The following OPHN1 variants were observed in gnomAD, a reference collection of about 807,000 sequenced individuals.
OPHN1 encodes oligophrenin 1, also known as oligophrenin-1.
In OPHN1, 11 loss-of-function variants were observed where a neutral mutation model predicts 60.7. The ratio of observed to expected loss-of-function variants is 0.18; its 90% CI spans 0.11 to 0.30. OPHN1 has a LOEUF of 0.30. Among genes scored for constraint, OPHN1 ranks in the 10% least tolerant of loss-of-function variants. The pLI is 1.00. For missense variants in OPHN1, 449 were observed against 611.0 expected (o/e 0.73, Z 2.80); for synonymous variants, 226 against 222.6 (o/e 1.02, Z -0.14).
At chrX:68,417,772 G>C (rs1208252493) in intron 2 of OPHN1, among the ~76,000 whole-genome samples, 1 of 112,160 alleles carries the variant, frequency 8.9e-6, no homozygotes, top group Non-Finnish European at 1.9e-5. Flanking sequence ...CACACTTTGG[G>C]AAAGCCAGTT....
At chrX:68,075,777 G>A in intron 19 of OPHN1, among the ~76,000 whole-genome samples, 2 of 39,082 alleles carry the variant, frequency 5.1e-5, no homozygotes, top group Admixed American at 3.9e-4. Context: ...GATATACATA[G>A]GCAAAAAAAA....
intron 15 of OPHN1, among the ~76,000 whole-genome samples, chrX:68,163,721 T>C (rs184462576): frequency 9.0e-6 from 1 of 111,300 alleles, no homozygotes; most frequent in African/African-American, 3.3e-5. Flanking sequence ...GAAGGTTTCC[T>C]GTTTCTCCAC....
At chrX:68,150,282 A>G (rs1231405552) in intron 15 of OPHN1, among the ~76,000 whole-genome samples, 2 of 111,610 alleles carry the variant, frequency 1.8e-5, no homozygotes, top group Non-Finnish European at 3.8e-5. Flanking sequence ...ATGCCACTGA[A>G]CTTTTACTTG....
At chrX:68,226,649 G>A (rs56708550) in intron 6 of OPHN1, among the ~76,000 whole-genome samples, 20,806 of 110,537 alleles carry the variant, frequency 0.19, 1,670 homozygotes, top group African/African-American at 0.31. Flanking sequence ...AAGTAAAGGC[G>A]AAATAAAATA....
At chrX:68,059,807 T>C (rs1367550885) in intron 21 of OPHN1, among the ~76,000 whole-genome samples, 1 of 111,073 alleles carries the variant, frequency 9.0e-6, no homozygotes, top group Non-Finnish European at 1.9e-5. Context: ...CCATATGTCA[T>C]AAAGTCCCAG....
At chrX:68,378,073 C>T (rs1427078741) in intron 2 of OPHN1, among the ~76,000 whole-genome samples, 1 of 111,855 alleles carries the variant, frequency 8.9e-6, no homozygotes, top group African/African-American at 3.2e-5. Context: ...CCTGTTTCTC[C>T]ACATCCTCTC....
intron 19 of OPHN1, among the ~76,000 whole-genome samples, chrX:68,094,181 C>T (rs929060792): frequency 5.4e-5 from 6 of 110,731 alleles, no homozygotes; most frequent in African/African-American, 2.0e-4. Flanking sequence ...CCTTGAAATG[C>T]TTTTGTACCT....
intron 2 of OPHN1, among the ~76,000 whole-genome samples, chrX:68,354,645 C>A (rs867427048): frequency 2.9e-5 from 3 of 104,621 alleles, no homozygotes; most frequent in Non-Finnish European, 5.8e-5. Flanking sequence ...GTCCCAGCTA[C>A]TTGGGAGGCT....
intron 19 of OPHN1, among the ~76,000 whole-genome samples, chrX:68,087,817 C>A (rs2077001176): frequency 8.9e-6 from 1 of 111,886 alleles, no homozygotes. Flanking sequence ...TAGCAAAAAC[C>A]ATACTCTTAA....
intron 12 of OPHN1, among the ~76,000 whole-genome samples, chrX:68,195,772 T>C (rs1481482161): frequency 8.9e-6 from 1 of 111,902 alleles, no homozygotes; most frequent in South Asian, 3.8e-4. Flanking sequence ...GTGGGAGATA[T>C]TTTTGTGCCA....
chrX:68,253,625 A>C, intron 5 of OPHN1, among the ~76,000 whole-genome samples: 1 of 111,935 alleles, frequency 8.9e-6, no homozygotes, highest in Non-Finnish European at 1.9e-5. Flanking sequence ...GGATAGTAAT[A>C]AGTCAATTTC....
intron 2 of OPHN1, chrX:68,336,325 C>A (rs1034137357): frequency 1.8e-5 from 2 of 109,995 alleles, no homozygotes; most frequent in Admixed American, 9.9e-5. Context: ...GAGTTTAAGA[C>A]CAACCTGGGC....
At chrX:68,362,547 G>A (rs1439352608) in intron 2 of OPHN1, among the ~76,000 whole-genome samples, 2 of 111,341 alleles carry the variant, frequency 1.8e-5, no homozygotes, top group African/African-American at 3.3e-5. Flanking sequence ...GTGAGGTAAC[G>A]AGTATGTTAA....
At chrX:68,073,032 G>T in intron 20 of OPHN1, 120 bp downstream of exon 20, 1 of 846,996 alleles carries the variant, frequency 1.2e-6, no homozygotes, top group Non-Finnish European at 1.7e-6. Flanking sequence ...TTTAAGCTCA[G>T]GAGCCAGGAA....
At chrX:68,155,910 G>T (rs1248380774) in intron 15 of OPHN1, among the ~76,000 whole-genome samples, 11 of 111,743 alleles carry the variant, frequency 9.8e-5, no homozygotes, top group African/African-American at 3.6e-4. Flanking sequence ...ATTTTTTAAA[G>T]AAAAATACAA....
At chrX:68,286,280 T>C (rs1477432485) in intron 3 of OPHN1, among the ~76,000 whole-genome samples, 1 of 111,709 alleles carries the variant, frequency 9.0e-6, no homozygotes, top group Non-Finnish European at 1.9e-5. Context: ...GTCAGTAAGC[T>C]TACTGGTCAA....
At chrX:68,203,936 T>C (rs993367597) in intron 10 of OPHN1, among the ~76,000 whole-genome samples, 10 of 113,056 alleles carry the variant, frequency 8.8e-5, no homozygotes, top group Non-Finnish European at 7.5e-5. Flanking sequence ...ATGTCCTGTT[T>C]TTATGTTTAA....
intron 4 of OPHN1, among the ~76,000 whole-genome samples, chrX:68,277,149 C>T (rs2077995475): frequency 8.9e-6 from 1 of 112,113 alleles, no homozygotes; most frequent in Non-Finnish European, 1.9e-5. Flanking sequence ...TCAATGGACC[C>T]AGGGTAGGGG....
At chrX:68,140,179 C>A (rs1427787500) in intron 15 of OPHN1, among the ~76,000 whole-genome samples, 9 of 111,715 alleles carry the variant, frequency 8.1e-5, no homozygotes, top group Non-Finnish European at 1.7e-4. Context: ...TCAACCCAAA[C>A]TGTTACTCTA....
Sources: gnomAD v4.1 joint callset for allele counts (sites outside exome capture counted in the v4.1 genomes callset) on GRCh38, gnomAD v4.1.1 for gene constraint, MANE v1.5 for transcripts, NCBI Gene and HGNC (gene_info 2026-07-23, HGNC 2026-07-21) for gene names.